Variants in SLC6A18 observed in about 807,000 individuals in gnomAD.
SLC6A18 encodes inactive sodium-dependent neutral amino acid transporter B(0)AT3.
A neutral mutation model predicts 62.9 loss-of-function variants in SLC6A18; 58 were observed. The observed-to-expected ratio is 0.92, with a 90% confidence interval of 0.75 to 1.15. SLC6A18 has a LOEUF of 1.15. SLC6A18 is among the 50% of genes most tolerant of loss of function. The pLI is 0.00. For missense variants in SLC6A18, 793 were observed against 836.6 expected, an observed-to-expected ratio of 0.95 and a Z score of 0.64; for synonymous variants, 382 against 365.8, an observed-to-expected ratio of 1.04 and a Z score of -0.51.
rs199970143 is a variant in SLC6A18, at chr5:1,232,320, G to A, written c.262G>A (p.Gly88Ser). Residue 88 changes from glycine (G) to serine (S), a missense_variant, in exon 2 of 12, where the codon GGC (glycine) becomes AGC (serine). Transcript: ENST00000324642. ...CCAGCGGCTGCGGAAGGGCAGCGTC[G>A]GCGTGTGGACGGCCATCTCCCCGTA... is the stretch of plus-strand genomic sequence containing the variant. ...IGQRLRKGSVGVWTAISPYLS... is the reference protein window; with the variant it reads ...IGQRLRKGSVSVWTAISPYLS... 19 of 1,612,078 alleles carry A rather than the reference G, an allele frequency of 1.2e-5. No homozygotes were observed. Among genetic ancestry groups the A allele is most frequent in the South Asian group, 5.5e-5 (5 of 90,718 alleles).
rs1311503638 is a variant in SLC6A18 at position 1,225,538 on chromosome 5, T to G, written c.61T>G (p.Trp21Gly). Reference sequence around the variant, plus strand: ...CGACCTCGGGGATGAGAGGCCCAAGTGGGACAACAAGGCCCAGTACCTCCT... The same window carrying G: ...CGACCTCGGGGATGAGAGGCCCAAGGGGGACAACAAGGCCCAGTACCTCCT... ...ACDLGDERPK[W>G]DNKAQYLLSC... Residue 21 changes from tryptophan to glycine, a missense_variant, in exon 1 of 12, where the codon TGG (tryptophan) becomes GGG (glycine). By Grantham distance (184) the Trp-to-Gly change is radical. Transcript: ENST00000324642. 6.2e-7 allele frequency: 1 copy of G among 1,613,292 alleles called. No individual in the cohort carries two copies. Among genetic ancestry groups the G allele is most frequent in the Non-Finnish European group, 8.5e-7 (1 of 1,179,480 alleles).
chr5:1,245,981 C>T lies in SLC6A18; in HGVS notation c.1790C>T (p.Thr597Met), dbSNP rs1264590134. The change falls in exon 12 of 12, where the codon ACG (threonine) becomes ATG (methionine). Residue 597 changes from threonine (T) to methionine (M), a missense_variant. Physicochemically the swap from Thr to Met is moderately conservative, Grantham distance 81. Transcript: ENST00000324642. Reference protein sequence around the residue: ...LAQLLTRRRRTWRDRDARPDT... With the variant: ...LAQLLTRRRRMWRDRDARPDT... Reference sequence around the variant, plus strand: ...CAGCTGCTCACCCGGCGGAGGCGGACGTGGAGGGACAGGGACGCGCGCCCA... The same window carrying T: ...CAGCTGCTCACCCGGCGGAGGCGGATGTGGAGGGACAGGGACGCGCGCCCA... The T allele has an allele frequency of 1.3e-6, 2 of 1,599,774 alleles. No homozygotes were observed. The highest frequency in any genetic ancestry group is 3.3e-5 in the Admixed American group (2 of 59,710).
intron 1 of SLC6A18, among the ~76,000 whole-genome samples, chr5:1,228,947 G>A (rs1356057110): frequency 3.3e-5 from 5 of 152,144 alleles, no homozygotes; most frequent in Non-Finnish European, 7.3e-5. Flanking sequence ...CTTCAAATTC[G>A]GAAAAAATGC....
At chr5:1,240,694 AC>A (rs1561179846) in intron 7 of SLC6A18, 35 bp downstream of exon 7, 1 of 1,610,324 alleles carries the variant, frequency 6.2e-7, no homozygotes, top group Admixed American at 1.7e-5. Flanking sequence ...TCTGTGGGGC[AC>A]AGCCGCCAGA....
intron 3 of SLC6A18, among the ~76,000 whole-genome samples, chr5:1,234,468 C>T (rs963398274): frequency 7.9e-5 from 12 of 152,336 alleles, no homozygotes; most frequent in African/African-American, 2.2e-4. Context: ...ATCTGCAGCC[C>T]GAGTTCCTGG....
At position 1,230,184 on chromosome 5, in the gene SLC6A18, T is replaced by C. The variant is rs867022153; in HGVS notation, c.161-2035T>C. ...GTGGGGGAGGGAAGAGGGGCTCTCA[T>C]AGCACAGGCTGGAGGTGGGGGAAGA... On this transcript the variant is annotated intron_variant, in intron 1 of 11. Coordinates refer to ENST00000324642, the MANE Select transcript of SLC6A18 (RefSeq NM_182632.3). Among the ~76,000 whole-genome samples the C allele has an allele frequency of 1.1e-3, 74 of 66,666 alleles. 1 individual carries two copies. Among genetic ancestry groups the C allele is most frequent in the African/African-American group, 3.6e-3 (63 of 17,278 alleles). The allele number at this position is 66,666 out of a possible 152,430, so 43.7% of individuals were successfully genotyped here. A position where few individuals can be genotyped will look rare whatever the true frequency, so the allele number is the denominator to read the frequency against.
Position 1,245,319 on chromosome 5 carries a change from A to G in SLC6A18, c.1657-529A>G, listed in dbSNP as rs536935842. Among the ~76,000 whole-genome samples the G allele has an allele frequency of 9.9e-5, 15 of 152,214 alleles. No individual in the cohort carries two copies. In the East Asian group the frequency reaches 2.9e-3, roughly 29 times the overall value. On this transcript the variant is annotated intron_variant, in intron 11 of 11. Coordinates refer to ENST00000324642, the MANE Select transcript of SLC6A18 (RefSeq NM_182632.3). The stretch of plus-strand genomic sequence containing the variant: ...GCTCCAAGCAGCGCCAGCCCCTGAC[A>G]TACCATCTGAGTCCCCACTGGTGGC...
intron 5 of SLC6A18, 31 bp downstream of exon 5, chr5:1,238,091 C>A (rs1409063459): frequency 6.6e-7 from 1 of 1,519,426 alleles, no homozygotes; most frequent in Admixed American, 1.7e-5. Context: ...AGTTCAGGGC[C>A]TCCAGCACAC....
chr5:1,232,345 A>G lies in SLC6A18; in HGVS notation c.287A>G (p.Tyr96Cys), dbSNP rs1413164162. 11 of 1,610,610 alleles carry G rather than the reference A, an allele frequency of 6.8e-6. No homozygotes were observed. Among genetic ancestry groups the G allele is most frequent in the Non-Finnish European group, 9.3e-6 (11 of 1,179,444 alleles). ...GGCGTGTGGACGGCCATCTCCCCGTACCTCAGTGGAGTAGGTAGGCCACCG... is the reference window on the plus strand; with the variant it reads ...GGCGTGTGGACGGCCATCTCCCCGTGCCTCAGTGGAGTAGGTAGGCCACCG... Reference protein sequence around the residue: ...SVGVWTAISPYLSGVGLGCVT... With the variant: ...SVGVWTAISPCLSGVGLGCVT... Residue 96 changes from tyrosine (Y) to cysteine (C), a missense_variant, in exon 2 of 12, where the codon TAC becomes TGC. Physicochemically the swap from Tyr to Cys is radical, Grantham distance 194. Transcript: ENST00000324642.
chr5:1,234,441 C>T (rs529218673), intron 3 of SLC6A18, among the ~76,000 whole-genome samples: 11 of 152,166 alleles, frequency 7.2e-5, no homozygotes, highest in Non-Finnish European at 1.0e-4. Context: ...ACTCCAGAAG[C>T]GGCCCCAGTA....
intron 1 of SLC6A18, among the ~76,000 whole-genome samples, chr5:1,229,663 G>T (rs1401951115): frequency 6.6e-6 from 1 of 152,252 alleles, no homozygotes; most frequent in East Asian, 1.9e-4. Context: ...TGCACCTGAG[G>T]CCTGAGTGTG....
intron 9 of SLC6A18, 81 bp from the exon 10 acceptor site, chr5:1,244,133 C>A: frequency 2.4e-6 from 3 of 1,276,558 alleles, no homozygotes; most frequent in Middle Eastern, 2.7e-4. Context: ...GGCAGGTCTG[C>A]CTGGCTGGCT....
intron 2 of SLC6A18, 71 bp downstream of exon 2, chr5:1,232,430 CG>C: frequency 3.4e-6 from 5 of 1,449,506 alleles, no homozygotes; most frequent in Non-Finnish European, 1.9e-6. Context: ...AGAGGTGGGG[CG>C]GGGGCGGGTC....
intron 3 of SLC6A18, among the ~76,000 whole-genome samples, chr5:1,233,974 C>T (rs924416407): frequency 6.6e-6 from 1 of 152,148 alleles, no homozygotes; most frequent in Non-Finnish European, 1.5e-5. Context: ...ATCTCCTGAC[C>T]TCGTGATCCG....
rs1366724306 is a variant in SLC6A18, at chr5:1,246,010, A to G, written c.1819A>G (p.Thr607Ala). 8.1e-6 allele frequency: 13 copies of G among 1,596,374 alleles called. No individual in the cohort carries two copies. The highest frequency in any genetic ancestry group is 1.7e-5 in the Admixed American group (1 of 59,384). ...TWRDRDARPD[T>A]DMRPDTDTRP... ...GAGGGACAGGGACGCGCGCCCAGAC[A>G]CGGACATGCGCCCGGACACGGACAC... The change falls in exon 12 of 12, where the codon ACG becomes GCG. Residue 607 changes from threonine (T) to alanine (A), a missense_variant. Physicochemically the swap from Thr to Ala is moderately conservative, Grantham distance 58 (BLOSUM62 0). Coordinates refer to ENST00000324642, the MANE Select transcript of SLC6A18 (RefSeq NM_182632.3).
Position 1,240,573 on chromosome 5 carries a change from C to T in SLC6A18, c.888C>T (p.Asn296=). 6.2e-7 allele frequency: 1 copy of T among 1,614,100 alleles called. No individual in the cohort carries two copies. ...ATGCGGTGGTCATCGCCCTGGTCAA[C>T]AGGATGACCTCCCTGTACGCGTCCA... ...QKDAVVIALV[N]RMTSLYASIA... is the part of the protein sequence containing the mutation. Residue 296 remains asparagine, a synonymous_variant, in exon 7 of 12, where the codon AAC becomes AAT. Transcript: ENST00000324642.
At chr5:1,244,175 C>CCCACCCCA in intron 9 of SLC6A18, 39 bp from the exon 10 acceptor site, 1 of 893,902 alleles carries the variant, frequency 1.1e-6, no homozygotes, top group Non-Finnish European at 1.8e-6. Flanking sequence ...CTCCACTCCC[C>CCCACCCCA]ATCCCCTTAC....
chr5:1,232,672 T>G lies in SLC6A18; in HGVS notation c.302-79T>G, dbSNP rs918734726. On this transcript the variant is annotated intron_variant, in intron 2 of 11. Transcript: ENST00000324642. ...GCATGTGTTATTTTATGTTGTTATT[T>G]TGTTTTATTCTCACTGCTTCTGGGC... The G allele has an allele frequency of 2.0e-6, 3 of 1,519,424 alleles. No homozygotes were observed. The African/African-American group carries it at 4.2e-5, about 21-fold the overall frequency. 94.1% of individuals were successfully genotyped at this position (1,519,424 alleles called of 1,614,324 possible).
At chr5:1,238,378 G>GAGGAGGACTTC (rs752081648) in intron 5 of SLC6A18, among the ~76,000 whole-genome samples, 123 of 73,154 alleles carry the variant, frequency 1.7e-3, no homozygotes, top group African/African-American at 5.6e-3. Context: ...AGTGGGCCTG[G>GAGGAGGACTTC]GGCCTCAGGA....
Sources: allele counts gnomAD v4.1 joint callset (sites outside exome capture counted in the v4.1 genomes callset), GRCh38; gene constraint gnomAD v4.1.1; transcripts MANE v1.5; gene names NCBI Gene and HGNC (gene_info 2026-07-23, HGNC 2026-07-21).